The following CDC25A variants were observed in gnomAD, a reference collection of about 807,000 sequenced individuals.
CDC25A encodes the protein M-phase inducer phosphatase 1.
A neutral mutation model predicts 64.6 loss-of-function variants in CDC25A; 17 were observed. The observed-to-expected ratio is 0.26, with a 90% CI of 0.18 to 0.39. The LOEUF (loss-of-function observed/expected upper bound fraction) is 0.39. CDC25A is among the 10% of genes least tolerant of loss of function. The pLI, the probability that CDC25A is intolerant of heterozygous loss-of-function variation, is 1.00. For synonymous variants in CDC25A, 229 were observed against 238.6 expected (o/e 0.96, Z 0.37); for missense variants, 473 against 654.8 (o/e 0.72, Z 3.03).
chr3:48,157,975 T>A lies in CDC25A; in HGVS notation c.*970A>T, dbSNP rs938158832. On this transcript the variant is annotated 3_prime_UTR_variant, in exon 15 of 15. Coordinates refer to ENST00000302506, the MANE Select transcript of CDC25A (RefSeq NM_001789.3). ...GGAAGATACTCAGTGGACATGCTCC[T>A]CCCCCATCCTGTGGAGCCCACCTAC... 6.6e-6 allele frequency: 1 copy of A among 152,158 alleles called. No homozygotes were observed. The highest frequency in any genetic ancestry group is 2.4e-5 in the African/African-American group (1 of 41,416). 9.4% of individuals were successfully genotyped at this position (152,158 alleles called of 1,614,324 possible).
chr3:48,157,312 A>G lies in CDC25A; in HGVS notation c.*1633T>C, dbSNP rs1483231055. 2.0e-5 allele frequency: 3 copies of G among 152,262 alleles called. No homozygotes were observed. The highest frequency in any genetic ancestry group is 6.5e-5 in the Admixed American group (1 of 15,270). 9.4% of individuals were successfully genotyped at this position (152,262 alleles called of 1,614,324 possible). On this transcript the variant is annotated 3_prime_UTR_variant, in exon 15 of 15. Coordinates refer to ENST00000302506, the MANE Select transcript of CDC25A (RefSeq NM_001789.3). ...ACAGAATCTCTTTCTTACAAACAAT[A>G]TCATTAACCAGTTGGAATCTGTCTC...
chr3:48,166,028 T>TA, intron 10 of CDC25A, 135 bp from the exon 11 acceptor site: 2 of 666,612 alleles, frequency 3.0e-6, no homozygotes, highest in South Asian at 3.6e-5. Flanking sequence ...CTCACACCTG[T>TA]AATCCCAGCA....
intron 6 of CDC25A, among the ~76,000 whole-genome samples, 178 bp from the exon 7 acceptor site, chr3:48,178,166 C>T (rs1438962246): frequency 1.3e-5 from 2 of 152,062 alleles, no homozygotes; most frequent in African/African-American, 4.8e-5. Context: ...ATTTGATGAC[C>T]ACACACAGCC....
intron 13 of CDC25A, among the ~76,000 whole-genome samples, chr3:48,163,621 T>A (rs868508104): frequency 1.3e-5 from 2 of 152,244 alleles, no homozygotes; most frequent in African/African-American, 4.8e-5. Context: ...AAAATTGAAA[T>A]TTTTTAATTT....
chr3:48,181,791 C>CA (rs878946423), intron 5 of CDC25A: 14,266 of 446,146 alleles, frequency 0.032, 15 homozygotes, highest in East Asian at 0.037. Flanking sequence ...CATGAAGAAT[C>CA]AAAAAAAAAA....
chr3:48,164,444 A>G lies in CDC25A; in HGVS notation c.1192-7T>C. 1.9e-6 allele frequency: 3 copies of G among 1,543,020 alleles called. No homozygotes were observed. Among genetic ancestry groups the G allele is most frequent in the Non-Finnish European group, 2.6e-6 (3 of 1,151,058 alleles). Reference sequence around the variant, plus strand: ...TGTGCAAGTTCACTGCACCCTGTGAAGACAACAGAGACCCTTGGAACCTGC... The same window carrying G: ...TGTGCAAGTTCACTGCACCCTGTGAGGACAACAGAGACCCTTGGAACCTGC... On this transcript the variant is annotated splice_region_variant and splice_polypyrimidine_tract_variant and intron_variant, in intron 12 of 14. Coordinates refer to ENST00000302506, the MANE Select transcript of CDC25A (RefSeq NM_001789.3).
intron 14 of CDC25A, 23 bp downstream of exon 14, chr3:48,159,321 G>A (rs1385121814): frequency 6.7e-7 from 1 of 1,501,386 alleles, no homozygotes; most frequent in Non-Finnish European, 9.3e-7. Context: ...GAGGAGAGAT[G>A]CTCTCCACAA....
At position 48,186,741 on chromosome 3, in the gene CDC25A, T is replaced by G. The variant is rs1423565683; in HGVS notation, c.209A>C (p.Asn70Thr). ...EQPLEVKNNS[N>T]LQRMGSSEST... The stretch of plus-strand genomic sequence containing the variant: ...CTCGGAGGAGCCCATTCTCTGCAGA[T>G]TACTGTTGTTCTTCACCTCCAGTGG... Residue 70 changes from asparagine to threonine, a missense_variant, in exon 2 of 15, where the codon AAT becomes ACT. By Grantham distance (65) the Asn-to-Thr change is moderately conservative. Transcript: ENST00000302506. The G allele has an allele frequency of 6.2e-7, 1 of 1,602,996 alleles. No homozygotes were observed.
rs936190962 is a variant in CDC25A, at chr3:48,158,692, G to A, written c.*253C>T. On this transcript the variant is annotated 3_prime_UTR_variant, in exon 15 of 15. Transcript: ENST00000302506. Reference sequence around the variant, plus strand: ...ACTGTGGCTCAGAGCAGCTTGACACGGTGCTCAGAACTGCATTGTGGCACA... The same window carrying A: ...ACTGTGGCTCAGAGCAGCTTGACACAGTGCTCAGAACTGCATTGTGGCACA... 3.9e-5 allele frequency: 15 copies of A among 380,246 alleles called. No homozygotes were observed. The highest frequency in any genetic ancestry group is 6.0e-5 in the African/African-American group (3 of 49,614). 23.6% of individuals were successfully genotyped at this position (380,246 alleles called of 1,614,324 possible). A position where few individuals can be genotyped will look rare whatever the true frequency, so the allele number is the denominator to read the frequency against.
chr3:48,164,251 C>A, intron 13 of CDC25A, 56 bp downstream of exon 13: 1 of 1,452,754 alleles, frequency 6.9e-7, no homozygotes, highest in Non-Finnish European at 9.1e-7. Flanking sequence ...ACCACCATGT[C>A]CCACAAAAGC....
chr3:48,170,664 C>T (rs1373242952), intron 9 of CDC25A, among the ~76,000 whole-genome samples: 2 of 152,178 alleles, frequency 1.3e-5, no homozygotes, highest in Non-Finnish European at 2.9e-5. Context: ...GAGTGATCAA[C>T]TTGACCTTTA....
intron 12 of CDC25A, among the ~76,000 whole-genome samples, chr3:48,164,945 T>TAA (rs781654424): frequency 7.5e-6 from 1 of 133,306 alleles, no homozygotes. Flanking sequence ...CCGTCTCTAC[T>TAA]AAAAAAAAAA....
At chr3:48,185,057 C>T (rs760704882) in intron 2 of CDC25A, among the ~76,000 whole-genome samples, 15 of 152,086 alleles carry the variant, frequency 9.9e-5, no homozygotes, top group South Asian at 2.1e-4. Flanking sequence ...ACAATAGGTA[C>T]CAGATTTTCT....
chr3:48,172,988 G>A (rs931582317), intron 9 of CDC25A, among the ~76,000 whole-genome samples: 9 of 152,262 alleles, frequency 5.9e-5, no homozygotes, highest in African/African-American at 2.2e-4. Context: ...AGGAGGCTGA[G>A]GCGGGCGGAT....
At chr3:48,177,284 C>T in intron 8 of CDC25A, 87 bp downstream of exon 8, 1 of 1,020,906 alleles carries the variant, frequency 9.8e-7, no homozygotes, top group Non-Finnish European at 1.5e-6. Flanking sequence ...TCATGCATTT[C>T]AATCTTTGGC....
At position 48,158,918 on chromosome 3, in the gene CDC25A, G is replaced by C; in HGVS notation, c.*27C>G. 1 of 1,613,096 alleles carries C rather than the reference G, an allele frequency of 6.2e-7. No individual in the cohort carries two copies. The highest frequency in any genetic ancestry group is 8.5e-7 in the Non-Finnish European group (1 of 1,179,432). On this transcript the variant is annotated 3_prime_UTR_variant, in exon 15 of 15. Transcript: ENST00000302506. ...GTAAAGGGGGATGGAGGGAAGCTTG[G>C]GCTGCTGCTGGCTGGTCCTGCCGCC...
At chr3:48,173,368 TAG>T (rs1227837885) in intron 9 of CDC25A, among the ~76,000 whole-genome samples, 4 of 152,148 alleles carry the variant, frequency 2.6e-5, no homozygotes, top group African/African-American at 9.7e-5. Flanking sequence ...GGGAAATTCA[TAG>T]ATTCAAATAG....
At chr3:48,180,676 C>T in intron 6 of CDC25A, 45 bp downstream of exon 6, 1 of 1,605,574 alleles carries the variant, frequency 6.2e-7, no homozygotes, top group East Asian at 2.2e-5. Context: ...TGTTTTAATC[C>T]TTTCTTCCTG....
At chr3:48,177,819 GAACA>G (rs1214260139) in intron 7 of CDC25A, 31 bp downstream of exon 7, 1 of 1,517,126 alleles carries the variant, frequency 6.6e-7, no homozygotes, top group East Asian at 2.4e-5. Context: ...TTAATTAGTA[GAACA>G]AATAGGAACA....
Sources: gnomAD v4.1 joint callset for allele counts (sites outside exome capture counted in the v4.1 genomes callset) on GRCh38, gnomAD v4.1.1 for gene constraint, MANE v1.5 for transcripts, NCBI Gene and HGNC (gene_info 2026-07-23, HGNC 2026-07-21) for gene names.